Variants in AHCYL2 observed in about 807,000 individuals in gnomAD.
AHCYL2 encodes adenosylhomocysteinase like 2.
In AHCYL2, 28 loss-of-function variants were observed where a neutral mutation model predicts 81.4. The ratio of observed to expected loss-of-function variants is 0.34; its 90% CI spans 0.25 to 0.47. The LOEUF (loss-of-function observed/expected upper bound fraction) is 0.47. Ranked by LOEUF, AHCYL2 falls within the 20% of genes least tolerant of loss-of-function variation. AHCYL2 has a pLI of 1.00. For synonymous variants in AHCYL2, 272 were observed against 290.2 expected (o/e 0.94, Z 0.64); for missense variants, 551 against 785.1 (o/e 0.70, Z 3.56).
chr7:129,365,439 G>A (rs1420092774), intron 1 of AHCYL2, among the ~76,000 whole-genome samples: 1 of 151,926 alleles, frequency 6.6e-6, no homozygotes, highest in Non-Finnish European at 1.5e-5. Context: ...AGTCCTGTTA[G>A]GTAGGTAGCT....
At chr7:129,260,499 A>G (rs1795586747) in intron 1 of AHCYL2, among the ~76,000 whole-genome samples, 1 of 152,114 alleles carries the variant, frequency 6.6e-6, no homozygotes, top group African/African-American at 2.4e-5. Flanking sequence ...ATCATTCTTC[A>G]TATGATGTAG....
rs544138559 is a variant in AHCYL2 at position 129,406,614 on chromosome 7, G to C, written c.1295+148G>C. 1.3e-6 allele frequency: 1 copy of C among 780,200 alleles called. No individual in the cohort carries two copies. The highest frequency in any genetic ancestry group is 1.7e-5 in the African/African-American group (1 of 58,310). 48.3% of individuals were successfully genotyped at this position (780,200 alleles called of 1,614,324 possible). On this transcript the variant is annotated intron_variant, in intron 10 of 16. Transcript: ENST00000325006. This position sits in a 1 kb window ranked among gnomAD's most constrained non-coding sequence, Gnocchi z 4.3. ...GCATCTGTCTTTTAAAAAGGTCAAGGAGCTCTGCTTGGAGAGAGCAGAGAC... is the reference window on the plus strand; with the variant it reads ...GCATCTGTCTTTTAAAAAGGTCAAGCAGCTCTGCTTGGAGAGAGCAGAGAC...
chr7:129,401,465 G>A (rs953843001), intron 6 of AHCYL2, among the ~76,000 whole-genome samples: 3 of 152,232 alleles, frequency 2.0e-5, no homozygotes, highest in Non-Finnish European at 4.4e-5. Flanking sequence ...TGAAGCTCTA[G>A]TCCAACCATT....
intron 1 of AHCYL2, among the ~76,000 whole-genome samples, chr7:129,322,672 GC>G (rs1438607254): frequency 2.8e-4 from 43 of 152,164 alleles, no homozygotes; most frequent in African/African-American, 1.0e-3. Flanking sequence ...GCTCACTGCA[GC>G]CTCTGCCTCC....
chr7:129,308,080 C>T (rs559858612), intron 1 of AHCYL2, among the ~76,000 whole-genome samples: 1 of 152,078 alleles, frequency 6.6e-6, no homozygotes, highest in South Asian at 2.1e-4. Context: ...CGCAAGCACT[C>T]CCTTAGCCAC....
intron 1 of AHCYL2, among the ~76,000 whole-genome samples, chr7:129,274,187 A>T (rs1456993371): frequency 6.6e-6 from 1 of 152,166 alleles, no homozygotes. Context: ...ATTTTGAATG[A>T]GAGTGTCTAT....
At chr7:129,409,087 T>TAA (rs35068503) in intron 10 of AHCYL2, among the ~76,000 whole-genome samples, 1 of 144,140 alleles carries the variant, frequency 6.9e-6, no homozygotes. Context: ...ATCCCATCTC[T>TAA]AAAAAAAAAA....
At chr7:129,424,967 A>G (rs774835219) in intron 14 of AHCYL2, 25 bp downstream of exon 14, 1 of 1,613,976 alleles carries the variant, frequency 6.2e-7, no homozygotes, top group Non-Finnish European at 8.5e-7. Context: ...GTGGGATAGC[A>G]GTAGTCTGGA....
At chr7:129,374,327 T>G (rs1177098930) in intron 1 of AHCYL2, among the ~76,000 whole-genome samples, 1 of 152,134 alleles carries the variant, frequency 6.6e-6, no homozygotes, top group Non-Finnish European at 1.5e-5. Flanking sequence ...AGAGTTAAAC[T>G]TTCCTGCTTT....
chr7:129,259,178 TA>T (rs1056369820), intron 1 of AHCYL2, among the ~76,000 whole-genome samples: 1 of 152,166 alleles, frequency 6.6e-6, no homozygotes, highest in Admixed American at 6.6e-5. Flanking sequence ...AAGTCTCTGA[TA>T]AACAAAGAAG....
intron 1 of AHCYL2, among the ~76,000 whole-genome samples, chr7:129,294,838 A>T (rs1046931893): frequency 6.6e-6 from 1 of 152,196 alleles, no homozygotes; most frequent in East Asian, 1.9e-4. Flanking sequence ...GATAAGTCAT[A>T]TGTTGCCTTT....
At chr7:129,290,786 C>T (rs1290396860) in intron 1 of AHCYL2, among the ~76,000 whole-genome samples, 5 of 151,682 alleles carry the variant, frequency 3.3e-5, no homozygotes, top group Non-Finnish European at 4.4e-5. Flanking sequence ...AAAAATTAGC[C>T]GGGCGCAGTG....
intron 6 of AHCYL2, among the ~76,000 whole-genome samples, chr7:129,403,002 T>C (rs1796106982): frequency 6.6e-6 from 1 of 152,202 alleles, no homozygotes; most frequent in Non-Finnish European, 1.5e-5. Context: ...ACTGAATATA[T>C]TTAAAGTCCC....
rs117536540 is a variant in AHCYL2 at position 129,385,868 on chromosome 7, A to G, written c.476-3188A>G. On this transcript the variant is annotated intron_variant, in intron 2 of 16. Coordinates refer to ENST00000325006, the MANE Select transcript of AHCYL2 (RefSeq NM_015328.4). ...AAACTCTGTTCAAGTGTGTTTGTAC[A>G]TACGTGTTGGGTTTCTCTAAATTTT... Among the ~76,000 whole-genome samples the G allele has an allele frequency of 8.5e-5, 13 of 152,300 alleles. No homozygotes were observed. The East Asian group carries it at 2.5e-3, about 29-fold the overall frequency.
chr7:129,288,420 G>A (rs1046979701), intron 1 of AHCYL2, among the ~76,000 whole-genome samples: 1 of 151,898 alleles, frequency 6.6e-6, no homozygotes, highest in African/African-American at 2.4e-5. Flanking sequence ...GAGTGCAGTG[G>A]CGTGATCTCG....
At chr7:129,289,170 G>A (rs1402017399) in intron 1 of AHCYL2, among the ~76,000 whole-genome samples, 1 of 152,076 alleles carries the variant, frequency 6.6e-6, no homozygotes, top group Non-Finnish European at 1.5e-5. Context: ...GCTCACTGCA[G>A]CCTCAACCTC....
chr7:129,248,691 G>T (rs1169435946), intron 1 of AHCYL2, among the ~76,000 whole-genome samples: 2 of 150,156 alleles, frequency 1.3e-5, no homozygotes. Context: ...TTTAGGATAA[G>T]CTTGTCAATG....
intron 4 of AHCYL2, among the ~76,000 whole-genome samples, chr7:129,393,614 G>A (rs755338192): frequency 9.9e-5 from 15 of 151,940 alleles, no homozygotes; most frequent in Non-Finnish European, 1.5e-4. Flanking sequence ...TTCCCAGTTT[G>A]ACCAGGGAGA....
At chr7:129,292,302 G>A (rs1018389649) in intron 1 of AHCYL2, among the ~76,000 whole-genome samples, 4 of 152,130 alleles carry the variant, frequency 2.6e-5, no homozygotes, top group African/African-American at 7.2e-5. Flanking sequence ...GAATTTATGC[G>A]TGGATAAAGA....
Sources: gnomAD v4.1 joint callset for allele counts (sites outside exome capture counted in the v4.1 genomes callset) on GRCh38, gnomAD v4.1.1 for gene constraint, Gnocchi (gnomAD v3.1) non-coding constraint, MANE v1.5 for transcripts, NCBI Gene and HGNC (gene_info 2026-07-23, HGNC 2026-07-21) for gene names.